Variants in SMC1B observed in about 807,000 individuals in gnomAD.
SMC1B encodes the protein structural maintenance of chromosomes 1B.
Under a neutral mutation model 157.9 loss-of-function variants are expected in SMC1B, and 60 were observed. The ratio of observed to expected loss-of-function variants is 0.38; its 90% CI spans 0.31 to 0.47. The LOEUF (loss-of-function observed/expected upper bound fraction) is 0.47. Among genes scored for constraint, SMC1B ranks in the 20% least tolerant of loss-of-function variants. The probability of loss-of-function intolerance (pLI) is 0.99; values close to 1 mark genes in which losing one functional copy is unlikely to be tolerated. For synonymous variants in SMC1B, 445 were observed against 483.0 expected, an observed-to-expected ratio of 0.92 and a Z score of 1.03; for missense variants, 1,165 against 1,426.2, an observed-to-expected ratio of 0.82 and a Z score of 2.95.
In SMC1B at chr22:45,389,853, G is replaced by A; in HGVS notation, c.1590C>T (p.Tyr530=). 6.2e-7 allele frequency: 1 copy of A among 1,614,044 alleles called. No individual in the cohort carries two copies. Among genetic ancestry groups the A allele is most frequent in the Non-Finnish European group, 8.5e-7 (1 of 1,179,976 alleles). The change falls in exon 10 of 25, where the codon TAC becomes TAT. Residue 530 remains tyrosine, a synonymous_variant. Transcript: ENST00000357450. Reference sequence around the variant, plus strand: ...CAAAAACCTTAGTAACAGCCAGCTGGTATTTCTTATGAATAGGATGACACA... The same window carrying A: ...CAAAAACCTTAGTAACAGCCAGCTGATATTTCTTATGAATAGGATGACACA... ...FDLCHPIHKK[Y]QLAVTKVFGR...
At position 45,358,682 on chromosome 22, in the gene SMC1B, A is replaced by C. The variant is rs902171154; in HGVS notation, c.2961+15T>G. The C allele has an allele frequency of 1.3e-6, 2 of 1,496,766 alleles. No homozygotes were observed. Among genetic ancestry groups the C allele is most frequent in the Non-Finnish European group, 1.8e-6 (2 of 1,081,454 alleles). The allele number at this position is 1,496,766 out of a possible 1,614,324, so 92.7% of individuals were successfully genotyped here. ...TATTACTGTGAGTGATAAACAACAG[A>C]AAGCTTTCCATTACCTTCAAATCCT... On this transcript the variant is annotated intron_variant, in intron 19 of 24. Coordinates refer to ENST00000357450, the MANE Select transcript of SMC1B (RefSeq NM_148674.5).
In SMC1B at chr22:45,354,103, G is replaced by A; in HGVS notation, c.3148C>T (p.Leu1050=). ...ACTTGCTCGAACTCTTGCCTACACA[G>A]TCTGGCTTCCTTTCTGCTGGCCTCA... ...AFEASRKEAR[L]CRQEFEQVKK... Residue 1050 remains leucine (L), a synonymous_variant, in exon 21 of 25, where the codon CTG becomes TTG. Coordinates refer to ENST00000357450, the MANE Select transcript of SMC1B (RefSeq NM_148674.5). 6.3e-7 allele frequency: 1 copy of A among 1,580,298 alleles called. No individual in the cohort carries two copies.
At chr22:45,370,818 A>T (rs1387773959) in intron 14 of SMC1B, among the ~76,000 whole-genome samples, 1 of 152,230 alleles carries the variant, frequency 6.6e-6, no homozygotes, top group East Asian at 1.9e-4. Flanking sequence ...TCTTAAATCC[A>T]TGGTAATGTG....
rs2087105331 is a variant in SMC1B at position 45,394,869 on chromosome 22, A to G, written c.1255-102T>C. ...AATATTATAAGCTGTTATAAAATTG[A>G]AAGATATCAAATATAATTATATGAA... On this transcript the variant is annotated intron_variant, in intron 7 of 24. Transcript: ENST00000357450. The G allele has an allele frequency of 3.4e-6, 4 of 1,165,468 alleles. No homozygotes were observed. In the South Asian group the frequency reaches 9.6e-5, roughly 28 times the overall value. The allele number at this position is 1,165,468 out of a possible 1,614,324, so 72.2% of individuals were successfully genotyped here. A position where few individuals can be genotyped will look rare whatever the true frequency, so the allele number is the denominator to read the frequency against.
Position 45,406,541 on chromosome 22 carries a change from G to A in SMC1B, c.534C>T (p.Ala178=), listed in dbSNP as rs752946845. Residue 178 remains alanine (A), a synonymous_variant, in exon 4 of 25, where the codon GCC becomes GCT. Transcript: ENST00000357450. ...TAAAGTTAAACTGTGCATCCTCTTC[G>A]GCTTTTTGTAACTTTCTTTTCTTTT... ...YEEKKRKLQK[A]EEDAQFNFNK... is the part of the protein sequence containing the mutation. 1.5e-5 allele frequency: 24 copies of A among 1,612,320 alleles called. No individual in the cohort carries two copies. Among genetic ancestry groups the A allele is most frequent in the South Asian group, 1.3e-4 (12 of 90,916 alleles).
chr22:45,388,244 T>C (rs1420266231), intron 10 of SMC1B, among the ~76,000 whole-genome samples: 1 of 151,946 alleles, frequency 6.6e-6, no homozygotes, highest in Non-Finnish European at 1.5e-5. Flanking sequence ...AACTAAAATG[T>C]GTGTGTGTAT....
At chr22:45,383,188 AC>A (rs752571345) in intron 12 of SMC1B, among the ~76,000 whole-genome samples, 22 of 152,212 alleles carry the variant, frequency 1.4e-4, no homozygotes, top group Middle Eastern at 3.4e-3. Context: ...ATTTATAGCA[AC>A]AGTCTATCAT....
Position 45,350,469 on chromosome 22 carries a change from G to A in SMC1B, c.3426-672C>T, listed in dbSNP as rs557453119. On this transcript the variant is annotated intron_variant, in intron 22 of 24. Coordinates refer to ENST00000357450, the MANE Select transcript of SMC1B (RefSeq NM_148674.5). ...ATTTTTGTACTTTTAATAGAGATGG[G>A]GTTTCATCATGTTGGCCAGGATGGT... is the stretch of plus-strand genomic sequence containing the variant. Among the ~76,000 whole-genome samples the A allele has an allele frequency of 6.6e-5, 10 of 152,382 alleles. No homozygotes were observed. In the South Asian group the frequency reaches 1.4e-3, roughly 22 times the overall value.
chr22:45,404,427 C>T (rs1276493938), intron 4 of SMC1B, among the ~76,000 whole-genome samples: 2 of 152,160 alleles, frequency 1.3e-5, no homozygotes, highest in Non-Finnish European at 2.9e-5. Context: ...TGTAGAGAAT[C>T]CCCTTTCCCT....
rs1452324359 is a variant in SMC1B, at chr22:45,394,322, C to CA, written c.1337+362dup. 9.4e-3 allele frequency among the ~76,000 whole-genome samples: 1,403 copies of CA among 149,542 alleles called. 25 individuals carry two copies. The highest frequency in any genetic ancestry group is 0.032 in the African/African-American group (1,320 of 40,722). On this transcript the variant is annotated intron_variant, in intron 8 of 24. Coordinates refer to ENST00000357450, the MANE Select transcript of SMC1B (RefSeq NM_148674.5). Reference sequence around the variant, plus strand: ...TCTGGGTGAGAGTGAGACCCTGTCTCAAAAAAAAAGGAAGAAATACATAAA... The same window carrying CA: ...TCTGGGTGAGAGTGAGACCCTGTCTCAAAAAAAAAAGGAAGAAATACATAAA...
chr22:45,359,756 A>T, intron 18 of SMC1B, 49 bp downstream of exon 18: 1 of 1,579,268 alleles, frequency 6.3e-7, no homozygotes, highest in Non-Finnish European at 8.7e-7. Context: ...AGGGCAATGC[A>T]TTAAGTTCCA....
intron 12 of SMC1B, among the ~76,000 whole-genome samples, chr22:45,372,906 G>A (rs1357431876): frequency 6.6e-6 from 1 of 151,848 alleles, no homozygotes; most frequent in Non-Finnish European, 1.5e-5. Context: ...TAGAGACGGG[G>A]GTTTCATCGT....
chr22:45,402,591 A>G lies in SMC1B; in HGVS notation c.616-20T>C. The G allele has an allele frequency of 6.4e-7, 1 of 1,562,932 alleles. No individual in the cohort carries two copies. Among genetic ancestry groups the G allele is most frequent in the Non-Finnish European group, 8.8e-7 (1 of 1,139,050 alleles). ...TTCTGCCTATAAAAGAGTATAATTCAACAGCAGTTAAAAGGGAGTGTATTT... is the reference window on the plus strand; with the variant it reads ...TTCTGCCTATAAAAGAGTATAATTCGACAGCAGTTAAAAGGGAGTGTATTT... On this transcript the variant is annotated intron_variant, in intron 4 of 24. Transcript: ENST00000357450.
intron 12 of SMC1B, among the ~76,000 whole-genome samples, chr22:45,381,851 AT>A (rs1329639831): frequency 6.6e-6 from 1 of 152,246 alleles, no homozygotes; most frequent in Non-Finnish European, 1.5e-5. Flanking sequence ...AAAGATGAAA[AT>A]TAGTCAAGTA....
chr22:45,344,513 G>T lies in SMC1B; in HGVS notation c.*43C>A. 7.2e-7 allele frequency: 1 copy of T among 1,392,136 alleles called. No homozygotes were observed. Among genetic ancestry groups the T allele is most frequent in the Non-Finnish European group, 1.0e-6 (1 of 978,646 alleles). 86.2% of individuals were successfully genotyped at this position (1,392,136 alleles called of 1,614,324 possible). On this transcript the variant is annotated 3_prime_UTR_variant, in exon 25 of 25. Coordinates refer to ENST00000357450, the MANE Select transcript of SMC1B (RefSeq NM_148674.5). ...GTGGAGGAGCTGTGTGAGTATTAGAGTGGGAACTGAACAGTGATCAGGTGA... is the reference window on the plus strand; with the variant it reads ...GTGGAGGAGCTGTGTGAGTATTAGATTGGGAACTGAACAGTGATCAGGTGA...
chr22:45,388,918 T>C (rs136596), intron 10 of SMC1B, among the ~76,000 whole-genome samples: 91,784 of 145,680 alleles, frequency 0.63, 30,854 homozygotes, highest in African/African-American at 0.9. Flanking sequence ...ACCCGGAAGG[T>C]GGAGGCTGCA....
At position 45,407,056 on chromosome 22, in the gene SMC1B, T is replaced by C. The variant is rs2087270516; in HGVS notation, c.299-191A>G. 2.0e-5 allele frequency among the ~76,000 whole-genome samples: 3 copies of C among 152,294 alleles called. No homozygotes were observed. In the South Asian group the frequency reaches 6.2e-4, roughly 32 times the overall value. ...TTACATGTCAAGGTCTCTTTTACAG[T>C]GGCGAACAAAACACATGAAAGTCTC... On this transcript the variant is annotated intron_variant, in intron 2 of 24. Coordinates refer to ENST00000357450, the MANE Select transcript of SMC1B (RefSeq NM_148674.5).
At chr22:45,375,722 C>A (rs2086877665) in intron 12 of SMC1B, among the ~76,000 whole-genome samples, 1 of 152,050 alleles carries the variant, frequency 6.6e-6, no homozygotes, top group Non-Finnish European at 1.5e-5. Context: ...TTTTCTCCTG[C>A]CTTTAATTCA....
chr22:45,397,066 A>G (rs1043424280), intron 6 of SMC1B, among the ~76,000 whole-genome samples: 2 of 152,216 alleles, frequency 1.3e-5, no homozygotes, highest in African/African-American at 4.8e-5. Context: ...CTTATATCAC[A>G]AATATACCAA....
Sources: allele counts gnomAD v4.1 joint callset (sites outside exome capture counted in the v4.1 genomes callset), GRCh38; gene constraint gnomAD v4.1.1; transcripts MANE v1.5; gene names NCBI Gene and HGNC (gene_info 2026-07-23, HGNC 2026-07-21).